CAGE1: variants seen among roughly 807,000 people sequenced by gnomAD.
CAGE1 encodes cancer antigen 1.
A neutral mutation model predicts 94.9 loss-of-function variants in CAGE1; 66 were observed. The ratio of observed to expected loss-of-function variants is 0.70; its 90% CI spans 0.57 to 0.85. CAGE1 has a LOEUF of 0.85. CAGE1 is among the 40% of genes least tolerant of loss of function. The pLI is 0.00. For synonymous variants in CAGE1, 319 were observed against 321.0 expected, an observed-to-expected ratio of 0.99 and a Z score of 0.07; for missense variants, 865 against 950.4, an observed-to-expected ratio of 0.91 and a Z score of 1.18.
chr6:7,358,051 T>TATAG (rs1561858127), intron 9 of CAGE1, among the ~76,000 whole-genome samples: 1 of 121,486 alleles, frequency 8.2e-6, no homozygotes, highest in East Asian at 2.7e-4. Flanking sequence ...TATATATATA[T>TATAG]ATATATATAT....
At chr6:7,368,468 AT>A (rs1282949400) in intron 7 of CAGE1, among the ~76,000 whole-genome samples, 2 of 152,108 alleles carry the variant, frequency 1.3e-5, no homozygotes, top group East Asian at 3.9e-4. Context: ...ATCATACTAA[AT>A]TTTTTGTAGG....
intron 12 of CAGE1, among the ~76,000 whole-genome samples, chr6:7,333,324 C>T (rs915431405): frequency 1.3e-5 from 2 of 152,088 alleles, no homozygotes; most frequent in Non-Finnish European, 2.9e-5. Flanking sequence ...TGAGCCTCTT[C>T]TAAAATAGCA....
At chr6:7,344,867 T>C (rs1759368068) in intron 11 of CAGE1, among the ~76,000 whole-genome samples, 1 of 152,080 alleles carries the variant, frequency 6.6e-6, no homozygotes, top group African/African-American at 2.4e-5. Context: ...TGGAGAACCT[T>C]TGTGTCGACA....
At chr6:7,360,227 C>A (rs1321273375) in intron 9 of CAGE1, among the ~76,000 whole-genome samples, 1 of 152,176 alleles carries the variant, frequency 6.6e-6, no homozygotes, top group Non-Finnish European at 1.5e-5. Context: ...TTAATCACAT[C>A]TGCAAAGTCC....
Position 7,389,408 on chromosome 6 carries a change from C to G in CAGE1, c.-230G>C. 1 of 448,378 alleles carries G rather than the reference C, an allele frequency of 2.2e-6. No homozygotes were observed. The highest frequency in any genetic ancestry group is 4.5e-6 in the Non-Finnish European group (1 of 222,542). 27.8% of individuals were successfully genotyped at this position (448,378 alleles called of 1,614,324 possible). Reference sequence around the variant, plus strand: ...CCAAGGACTCTCACAAACTCGCAATCGGGCTCCCGGAGTGCTGGAACGCCC... The same window carrying G: ...CCAAGGACTCTCACAAACTCGCAATGGGGCTCCCGGAGTGCTGGAACGCCC... On this transcript the variant is annotated 5_prime_UTR_variant, in exon 1 of 14. Coordinates refer to ENST00000502583, the MANE Select transcript of CAGE1 (RefSeq NM_001170692.2).
At chr6:7,344,478 C>G (rs1759340198) in intron 11 of CAGE1, among the ~76,000 whole-genome samples, 1 of 152,228 alleles carries the variant, frequency 6.6e-6, no homozygotes, top group Admixed American at 6.5e-5. Context: ...GGACCTACAG[C>G]CCGCCATGCC....
intron 4 of CAGE1, among the ~76,000 whole-genome samples, chr6:7,377,513 C>T (rs751302570): frequency 5.9e-5 from 9 of 151,960 alleles, no homozygotes; most frequent in African/African-American, 2.2e-4. Context: ...GAGGCCAAGG[C>T]GGGTGGATCG....
chr6:7,345,464 C>G (rs553453452), intron 11 of CAGE1, among the ~76,000 whole-genome samples: 1 of 152,096 alleles, frequency 6.6e-6, no homozygotes, highest in Non-Finnish European at 1.5e-5. Flanking sequence ...CCAAGTAGCC[C>G]AAGTCCAGAC....
intron 11 of CAGE1, among the ~76,000 whole-genome samples, chr6:7,342,236 G>A (rs1328259915): frequency 6.6e-6 from 1 of 152,198 alleles, no homozygotes; most frequent in Non-Finnish European, 1.5e-5. Flanking sequence ...GGCACTTGGA[G>A]CTCCAGGCCA....
At chr6:7,361,205 G>A (rs148965870) in intron 9 of CAGE1, among the ~76,000 whole-genome samples, 51 of 152,218 alleles carry the variant, frequency 3.4e-4, no homozygotes, top group African/African-American at 1.1e-3. Context: ...TAGTGGGCCT[G>A]AGATCTCTAA....
rs1044273485 is a variant in CAGE1, at chr6:7,385,717, T to C, written c.283+68A>G. The C allele has an allele frequency of 3.5e-6, 3 of 847,444 alleles. No homozygotes were observed. In the African/African-American group the frequency reaches 5.3e-5, roughly 15 times the overall value. The allele number at this position is 847,444 out of a possible 1,614,324, so 52.5% of individuals were successfully genotyped here. ...AAGTGCTTAGCACAAAACCTGGCTATTGTTACTATCACGGAACACAAAAAA... is the reference window on the plus strand; with the variant it reads ...AAGTGCTTAGCACAAAACCTGGCTACTGTTACTATCACGGAACACAAAAAA... On this transcript the variant is annotated intron_variant, in intron 3 of 13. Transcript: ENST00000502583.
chr6:7,340,368 T>C (rs1373764245), intron 11 of CAGE1, among the ~76,000 whole-genome samples: 1 of 152,240 alleles, frequency 6.6e-6, no homozygotes, highest in African/African-American at 2.4e-5. Context: ...CTGTGGGTTG[T>C]CTGTTTACTT....
intron 11 of CAGE1, chr6:7,347,503 T>TC (rs1464681955): frequency 0.047 from 1,412 of 29,966 alleles, 67 homozygotes; most frequent in African/African-American, 0.11. Flanking sequence ...AAAGCGAGGG[T>TC]GGGGGGGGGG....
intron 3 of CAGE1, among the ~76,000 whole-genome samples, chr6:7,385,151 A>G (rs1244776207): frequency 1.3e-5 from 2 of 151,964 alleles, no homozygotes; most frequent in African/African-American, 2.4e-5. Flanking sequence ...GATTACAGGC[A>G]TGCACCACCA....
At chr6:7,365,965 GC>G in intron 7 of CAGE1, 81 bp from the exon 8 acceptor site, 2 of 880,056 alleles carry the variant, frequency 2.3e-6, no homozygotes, top group Non-Finnish European at 3.4e-6. Context: ...ATCAAACCGG[GC>G]CGGGCGTAGT....
At chr6:7,370,486 G>C (rs1288339226) in intron 5 of CAGE1, among the ~76,000 whole-genome samples, 1 of 151,972 alleles carries the variant, frequency 6.6e-6, no homozygotes, top group African/African-American at 2.4e-5. Flanking sequence ...GTAGAGATGG[G>C]GGGTCTCACC....
chr6:7,338,712 C>T, intron 11 of CAGE1: 1 of 650,172 alleles, frequency 1.5e-6, no homozygotes, highest in African/African-American at 1.8e-5. Context: ...CCCCCTTCCA[C>T]TCTTTCCCCC....
At chr6:7,347,683 T>C (rs1165944634) in intron 11 of CAGE1, among the ~76,000 whole-genome samples, 4 of 152,114 alleles carry the variant, frequency 2.6e-5, no homozygotes, top group African/African-American at 2.4e-5. Context: ...CTGGGGCAAG[T>C]TCTCAAGCCC....
At chr6:7,348,157 G>A (rs551299797) in intron 11 of CAGE1, among the ~76,000 whole-genome samples, 2 of 152,146 alleles carry the variant, frequency 1.3e-5, no homozygotes, top group Admixed American at 6.5e-5. Flanking sequence ...AGTTAAGAAC[G>A]CTCACAGAGT....
Sources: allele counts gnomAD v4.1 joint callset (sites outside exome capture counted in the v4.1 genomes callset), GRCh38; gene constraint gnomAD v4.1.1; transcripts MANE v1.5; gene names NCBI Gene and HGNC (gene_info 2026-07-23, HGNC 2026-07-21).